THSD7A: variants seen among roughly 807,000 people sequenced by gnomAD.
The protein encoded by THSD7A is thrombospondin type 1 domain containing 7A.
In THSD7A, 96 loss-of-function variants were observed where a neutral mutation model predicts 231.3. The ratio of observed to expected loss-of-function variants is 0.41; its 90% CI spans 0.35 to 0.49. The LOEUF (loss-of-function observed/expected upper bound fraction) is 0.49. THSD7A is among the 20% of genes least tolerant of loss of function. The pLI is 0.05. For missense variants in THSD7A, 2,290 were observed against 2,070.2 expected (o/e 1.11, Z -2.06); for synonymous variants, 940 against 743.3 (o/e 1.26, Z -4.30).
intron 11 of THSD7A, 53 bp from the exon 12 acceptor site, chr7:11,447,477 A>G: frequency 3.6e-6 from 5 of 1,388,934 alleles, no homozygotes; most frequent in Non-Finnish European, 3.8e-6. Context: ...TAATTACTCT[A>G]TAATTTAGAA....
At chr7:11,645,233 A>T (rs1418416464) in intron 1 of THSD7A, among the ~76,000 whole-genome samples, 1 of 151,672 alleles carries the variant, frequency 6.6e-6, no homozygotes, top group Admixed American at 6.6e-5. Context: ...TATTTATTTA[A>T]TTGGTTTCTA....
At chr7:11,750,331 G>A (rs954647852) in intron 1 of THSD7A, among the ~76,000 whole-genome samples, 9 of 151,750 alleles carry the variant, frequency 5.9e-5, no homozygotes, top group South Asian at 2.1e-4. Flanking sequence ...AAATCAGGAC[G>A]GTATCAGTAA....
chr7:11,381,883 C>A (rs189201279), intron 24 of THSD7A, among the ~76,000 whole-genome samples: 2 of 152,034 alleles, frequency 1.3e-5, no homozygotes, highest in Admixed American at 6.6e-5. Flanking sequence ...TAATTCCACA[C>A]TAGAGTAGTT....
chr7:11,818,828 A>G (rs1562577254), intron 1 of THSD7A, among the ~76,000 whole-genome samples: 1 of 152,136 alleles, frequency 6.6e-6, no homozygotes, highest in Admixed American at 6.5e-5. Context: ...AAGAGGGAAC[A>G]AAGTGTAGGA....
intron 1 of THSD7A, among the ~76,000 whole-genome samples, chr7:11,771,599 T>TA (rs1467143569): frequency 6.6e-6 from 1 of 152,086 alleles, no homozygotes; most frequent in Non-Finnish European, 1.5e-5. Context: ...ATACCAGGTT[T>TA]TTTTTTTTCC....
intron 2 of THSD7A, among the ~76,000 whole-genome samples, chr7:11,635,162 T>C (rs1781789276): frequency 6.6e-6 from 1 of 152,172 alleles, no homozygotes; most frequent in Non-Finnish European, 1.5e-5. Context: ...GTCTTATATG[T>C]TTTTTAATCA....
chr7:11,769,151 A>ATTTT (rs1422492872), intron 1 of THSD7A, among the ~76,000 whole-genome samples: 18 of 35,470 alleles, frequency 5.1e-4, no homozygotes, highest in Non-Finnish European at 9.0e-4. Flanking sequence ...ATATATATAT[A>ATTTT]TATTTTTTTT....
Position 11,590,552 on chromosome 7 carries a change from A to G in THSD7A, c.1361T>C (p.Leu454Pro), listed in dbSNP as rs1780117627. The G allele has an allele frequency of 8.1e-6, 13 of 1,613,708 alleles. No homozygotes were observed. The highest frequency in any genetic ancestry group is 1.1e-5 in the South Asian group (1 of 91,066). ...TCGGGTCTGGATGCCCCCTCCACAG[A>G]GGGCCGTCTGGTTGCCGCGCCTCTT... ...QDKRRGNQTA[L>P]CGGGIQTREV... Residue 454 changes from leucine to proline, a missense_variant, in exon 4 of 28, where the codon CTC becomes CCC. By Grantham distance (98) the Leu-to-Pro change is moderately conservative. Transcript: ENST00000423059. The surrounding 1 kb of genome is among the most constrained non-coding windows in gnomAD (Gnocchi z 4.4).
intron 6 of THSD7A, among the ~76,000 whole-genome samples, chr7:11,530,845 T>C (rs1376980486): frequency 6.6e-6 from 1 of 152,096 alleles, no homozygotes; most frequent in Non-Finnish European, 1.5e-5. Flanking sequence ...GCCTGGTCTC[T>C]ACTAAAAATA....
chr7:11,556,875 A>G (rs22), intron 4 of THSD7A, among the ~76,000 whole-genome samples: 91,799 of 151,692 alleles, frequency 0.61, 28,332 homozygotes, highest in African/African-American at 0.72. Flanking sequence ...TTTTCTCTGG[A>G]TGCTTTCAAA....
Position 11,429,142 on chromosome 7 carries a change from G to T in THSD7A, c.3065-17C>A. The T allele has an allele frequency of 6.5e-7, 1 of 1,543,270 alleles. No homozygotes were observed. The highest frequency in any genetic ancestry group is 8.7e-7 in the Non-Finnish European group (1 of 1,148,952). On this transcript the variant is annotated splice_polypyrimidine_tract_variant and intron_variant, in intron 13 of 27. Transcript: ENST00000423059. ...CAATGTAACCTGAGTAGAGGAAAAT[G>T]AGACAAGAATCATCTCCTCCACCTG... is the stretch of plus-strand genomic sequence containing the variant.
In THSD7A at chr7:11,831,643, G is replaced by A. The variant is rs902950005; in HGVS notation, c.190+114C>T. The A allele has an allele frequency of 1.4e-5, 9 of 648,056 alleles. No homozygotes were observed. The African/African-American group carries it at 1.7e-4, about 12-fold the overall frequency. 40.1% of individuals were successfully genotyped at this position (648,056 alleles called of 1,614,324 possible). ...TAAGAAATCATACTTTTTACCTTAG[G>A]ATACCAGCATAACCAAGCCATCCAA... is the stretch of plus-strand genomic sequence containing the variant. On this transcript the variant is annotated intron_variant, in intron 1 of 27. Coordinates refer to ENST00000423059, the MANE Select transcript of THSD7A (RefSeq NM_015204.3). This position sits in a 1 kb window ranked among gnomAD's most constrained non-coding sequence, Gnocchi z 5.0.
In THSD7A at chr7:11,740,966, G is replaced by A. The variant is rs115044213; in HGVS notation, c.190+90791C>T. ...GCTGTTTATGTGAAAAATACACCTC[G>A]GTAGAAGAAAAGGTCTTTTATGTAT... On this transcript the variant is annotated intron_variant, in intron 1 of 27. Coordinates refer to ENST00000423059, the MANE Select transcript of THSD7A (RefSeq NM_015204.3). 4.7e-3 allele frequency among the ~76,000 whole-genome samples: 709 copies of A among 151,866 alleles called. 5 individuals carry two copies. Among genetic ancestry groups the A allele is most frequent in the African/African-American group, 0.016 (657 of 41,458 alleles).
intron 23 of THSD7A, chr7:11,385,166 A>G (rs1484645957): frequency 4.0e-5 from 6 of 151,682 alleles, no homozygotes; most frequent in Admixed American, 3.9e-4. Flanking sequence ...AAATTGTACA[A>G]TGTTTCTGAA....
chr7:11,531,150 T>C (rs537070817), intron 6 of THSD7A, among the ~76,000 whole-genome samples: 1 of 152,304 alleles, frequency 6.6e-6, no homozygotes, highest in African/African-American at 2.4e-5. Context: ...ACATCTCCAC[T>C]TGCTGCTCTA....
At chr7:11,546,982 A>C (rs1357078060) in intron 4 of THSD7A, among the ~76,000 whole-genome samples, 1 of 152,258 alleles carries the variant, frequency 6.6e-6, no homozygotes, top group African/African-American at 2.4e-5. Context: ...TGGTTCTTCA[A>C]ATCAAATCAG....
intron 2 of THSD7A, among the ~76,000 whole-genome samples, chr7:11,613,044 T>C (rs952560779): frequency 6.6e-6 from 1 of 152,150 alleles, no homozygotes; most frequent in African/African-American, 2.4e-5. Flanking sequence ...ATTATGTCAA[T>C]AAAATCTCAA....
Position 11,636,492 on chromosome 7 carries a change from A to T in THSD7A, c.660T>A (p.His220Gln), listed in dbSNP as rs373842433. The change falls in exon 2 of 28, where the codon CAT becomes CAA. Residue 220 changes from histidine (H) to glutamine (Q), a missense_variant. Coordinates refer to ENST00000423059, the MANE Select transcript of THSD7A (RefSeq NM_015204.3). This position sits in a 1 kb window ranked among gnomAD's most constrained non-coding sequence, Gnocchi z 10.0. Reference protein sequence around the residue: ...CGSGLQHRTRHVVAPPQFGGS... With the variant: ...CGSGLQHRTRQVVAPPQFGGS... ...CTCCGAACTGCGGGGGCGCCACCAC[A>T]TGACGCGTCCGGTGCTGGAGCCCGC... 7 of 1,613,652 alleles carry T rather than the reference A, an allele frequency of 4.3e-6. No individual in the cohort carries two copies. The African/African-American group carries it at 8.0e-5, about 18-fold the overall frequency.
chr7:11,504,832 C>CT (rs11379673), intron 6 of THSD7A, among the ~76,000 whole-genome samples: 41,583 of 149,610 alleles, frequency 0.28, 5,835 homozygotes, highest in South Asian at 0.41. Context: ...CAACTAACTC[C>CT]TTTTTTTTTA....
Sources: allele counts gnomAD v4.1 joint callset (sites outside exome capture counted in the v4.1 genomes callset), GRCh38; gene constraint gnomAD v4.1.1; non-coding constraint Gnocchi (gnomAD v3.1); transcripts MANE v1.5; gene names NCBI Gene and HGNC (gene_info 2026-07-23, HGNC 2026-07-21).